Variants in HELZ observed in about 807,000 individuals in gnomAD.
HELZ encodes ATP-dependent RNA helicase with zinc finger domain.
A neutral mutation model predicts 218.2 loss-of-function variants in HELZ; 23 were observed. That is an observed-to-expected ratio of 0.11 (90% CI 0.08 to 0.15). HELZ has a LOEUF of 0.15. Among genes scored for constraint, HELZ ranks in the 10% least tolerant of loss-of-function variants. The pLI, the probability that HELZ is intolerant of heterozygous loss-of-function variation, is 1.00. For synonymous variants in HELZ, 814 were observed against 829.4 expected (o/e 0.98, Z 0.32); for missense variants, 1,813 against 2,353.7 (o/e 0.77, Z 4.75).
At chr17:67,224,711 A>G (rs2040843725) in intron 3 of HELZ, 1 of 860,688 alleles carries the variant, frequency 1.2e-6, no homozygotes, top group South Asian at 1.3e-5. Flanking sequence ...TTCCATGCCC[A>G]TAGTGCTCAT....
chr17:67,233,562 G>T (rs1028318806), intron 3 of HELZ, among the ~76,000 whole-genome samples: 1 of 152,044 alleles, frequency 6.6e-6, no homozygotes, highest in African/African-American at 2.4e-5. Flanking sequence ...TTAACTAATT[G>T]TGAGACCTCA....
chr17:67,223,387 A>T (rs2040803019), intron 3 of HELZ, among the ~76,000 whole-genome samples: 1 of 152,218 alleles, frequency 6.6e-6, no homozygotes, highest in Admixed American at 6.5e-5. Flanking sequence ...CAATGTAGGA[A>T]GAAGCATCAC....
intron 3 of HELZ, among the ~76,000 whole-genome samples, chr17:67,238,420 G>A (rs1200149544): frequency 2.7e-5 from 4 of 150,536 alleles, no homozygotes; most frequent in Admixed American, 1.3e-4. Flanking sequence ...GGTGGCTCAC[G>A]CCTGTAATCC....
intron 15 of HELZ, among the ~76,000 whole-genome samples, chr17:67,164,835 TTATC>T (rs1445200133): frequency 6.6e-6 from 1 of 152,110 alleles, no homozygotes; most frequent in East Asian, 1.9e-4. Flanking sequence ...TGCTCACCCT[TTATC>T]TACATATCAA....
At chr17:67,171,728 AT>A (rs990887397) in intron 13 of HELZ, among the ~76,000 whole-genome samples, 64 of 152,092 alleles carry the variant, frequency 4.2e-4, no homozygotes, top group African/African-American at 1.4e-3. Context: ...AGCACCCTCC[AT>A]TGCAACTATA....
intron 17 of HELZ, among the ~76,000 whole-genome samples, chr17:67,158,948 G>T (rs1017083196): frequency 3.9e-5 from 6 of 152,000 alleles, no homozygotes; most frequent in African/African-American, 1.5e-4. Flanking sequence ...GATTTGAGGG[G>T]GCTTTACTCC....
chr17:67,220,849 T>TTCCCC (rs2040724093), intron 3 of HELZ, among the ~76,000 whole-genome samples: 1 of 114,422 alleles, frequency 8.7e-6, no homozygotes, highest in African/African-American at 3.3e-5. Flanking sequence ...TTAAGATAAC[T>TTCCCC]CCCCCCCCCC....
At chr17:67,204,253 G>C (rs1297131208) in intron 5 of HELZ, among the ~76,000 whole-genome samples, 7 of 152,010 alleles carry the variant, frequency 4.6e-5, no homozygotes, top group Non-Finnish European at 1.0e-4. Flanking sequence ...AAAGTCCACT[G>C]GATCTGTTCA....
intron 31 of HELZ, among the ~76,000 whole-genome samples, chr17:67,106,466 C>A (rs1311800022): frequency 6.6e-6 from 1 of 151,726 alleles, no homozygotes; most frequent in African/African-American, 2.4e-5. Context: ...CGCCACCACG[C>A]CCAGCTAATT....
In HELZ at chr17:67,230,819, T is replaced by C. The variant is rs375160612; in HGVS notation, c.-19+8614A>G. Among the ~76,000 whole-genome samples, 14 of 152,260 alleles carry C rather than the reference T, an allele frequency of 9.2e-5. No homozygotes were observed. The South Asian group carries it at 1.9e-3, about 20-fold the overall frequency. On this transcript the variant is annotated intron_variant, in intron 3 of 32. Transcript: ENST00000358691. ...TCTTCAATTTACCAACAGATTATGT[T>C]CTAATGCTGTATTTTCAAATCAGAC... is the stretch of plus-strand genomic sequence containing the variant.
intron 23 of HELZ, among the ~76,000 whole-genome samples, chr17:67,134,385 CAAA>C (rs750392717): frequency 7.6e-6 from 1 of 130,722 alleles, no homozygotes; most frequent in African/African-American, 2.7e-5. Context: ...AACTCTGTCT[CAAA>C]AAAAAAAAAA....
At chr17:67,185,375 G>C (rs547758603) in intron 12 of HELZ, among the ~76,000 whole-genome samples, 15 of 152,198 alleles carry the variant, frequency 9.9e-5, no homozygotes, top group South Asian at 8.3e-4. Context: ...CTTATATTCT[G>C]CTTTTATTTC....
chr17:67,150,047 A>G (rs1280109502), intron 18 of HELZ, 62 bp from the exon 19 acceptor site: 5 of 928,246 alleles, frequency 5.4e-6, no homozygotes, highest in Middle Eastern at 2.2e-4. Flanking sequence ...CAGAAGGACT[A>G]TAGTTATTTT....
chr17:67,215,280 A>G (rs1381020277), intron 5 of HELZ, among the ~76,000 whole-genome samples: 1 of 152,112 alleles, frequency 6.6e-6, no homozygotes, highest in East Asian at 1.9e-4. Context: ...TATCTAGCTA[A>G]GCTTAACATT....
At chr17:67,091,798 TAAAAC>T (rs1458777567) in intron 31 of HELZ, among the ~76,000 whole-genome samples, 1 of 152,196 alleles carries the variant, frequency 6.6e-6, no homozygotes, top group East Asian at 1.9e-4. Flanking sequence ...TTCATTTACT[TAAAAC>T]TAATCTATTT....
chr17:67,092,449 T>C (rs754787217), intron 31 of HELZ, among the ~76,000 whole-genome samples: 2 of 152,052 alleles, frequency 1.3e-5, no homozygotes, highest in South Asian at 2.1e-4. Context: ...TGAAAGTCTA[T>C]ACAGGAAACA....
chr17:67,107,539 C>T lies in HELZ; in HGVS notation c.4871G>A (p.Ser1624Asn), dbSNP rs2037144348. The T allele has an allele frequency of 6.2e-7, 1 of 1,614,130 alleles. No homozygotes were observed. Among genetic ancestry groups the T allele is most frequent in the Non-Finnish European group, 8.5e-7 (1 of 1,180,036 alleles). The change falls in exon 31 of 33, where the codon AGT (serine) becomes AAT (asparagine). Residue 1624 changes from serine (S) to asparagine (N), a missense_variant. Ser to Asn is a conservative substitution (Grantham distance 46, BLOSUM62 1). Around this residue, in one of 4 missense-constraint regions of HELZ, gnomAD observed 938 missense variants for 1,027.5 expected, o/e 0.91. Transcript: ENST00000358691. ...SPPAVPSPPS[S>N]TDHSSHFSNF... ...AGAAAAGTGGCTACTGTGGTCTGTA[C>T]TGGATGGGGGAGATGGGACTGCTGG...
chr17:67,244,060 A>C, intron 1 of HELZ: 3 of 821,314 alleles, frequency 3.7e-6, no homozygotes, highest in Non-Finnish European at 4.4e-6. Context: ...CTTAAAACTC[A>C]AAAACATAAT....
At chr17:67,224,575 TAAC>T (rs1223627031) in intron 3 of HELZ, 2 of 453,878 alleles carry the variant, frequency 4.4e-6, no homozygotes, top group African/African-American at 2.0e-5. Context: ...CGATTATTAA[TAAC>T]AATGATCATG....
Sources: allele counts gnomAD v4.1 joint callset (sites outside exome capture counted in the v4.1 genomes callset), GRCh38; gene constraint gnomAD v4.1.1; regional missense constraint gnomAD v4.1.1; transcripts MANE v1.5; gene names NCBI Gene and HGNC (gene_info 2026-07-23, HGNC 2026-07-21).